ARFGEF1: variants seen among roughly 807,000 people sequenced by gnomAD.
The protein encoded by ARFGEF1 is ARF guanine nucleotide exchange factor 1.
Under a neutral mutation model 231.0 loss-of-function variants are expected in ARFGEF1, and 42 were observed. That is an observed-to-expected ratio of 0.18 (90% CI 0.14 to 0.24). The LOEUF is 0.24. ARFGEF1 is among the 10% of genes least tolerant of loss of function. The pLI is 1.00. For missense variants in ARFGEF1, 1,345 were observed against 2,192.0 expected (o/e 0.61, Z 7.72); for synonymous variants, 710 against 732.3 (o/e 0.97, Z 0.49).
intron 1 of ARFGEF1, among the ~76,000 whole-genome samples, chr8:67,331,937 GTTTAT>G (rs1563920353): frequency 1.3e-5 from 2 of 152,004 alleles, no homozygotes; most frequent in East Asian, 3.9e-4. Flanking sequence ...AATCTTAAGA[GTTTAT>G]TTTAAACAGT....
At chr8:67,224,774 ATAAT>A (rs1418127038) in intron 29 of ARFGEF1, 125 bp downstream of exon 29, 10 of 507,764 alleles carry the variant, frequency 2.0e-5, no homozygotes, top group East Asian at 1.1e-4. Flanking sequence ...AATATACCTA[ATAAT>A]TAATATATTT....
Position 67,238,873 on chromosome 8 carries a change from G to T in ARFGEF1, c.3000C>A (p.Val1000=). The T allele has an allele frequency of 6.2e-7, 1 of 1,613,380 alleles. No individual in the cohort carries two copies. The highest frequency in any genetic ancestry group is 8.5e-7 in the Non-Finnish European group (1 of 1,179,634). The stretch of plus-strand genomic sequence containing the variant: ...GTAAGGTAAATCTTGCTAGTGCCTG[G>T]ACATATGCATCTCTCTCCAGCTATA... The part of the protein sequence containing the change: ...FSIQLERDAY[V]QALARFTLLT... The change falls in exon 21 of 39, where the codon GTC becomes GTA. Residue 1000 remains valine (V), a synonymous_variant. Transcript: ENST00000262215.
chr8:67,276,287 C>T (rs1302211340), intron 8 of ARFGEF1, among the ~76,000 whole-genome samples, 178 bp from the exon 9 acceptor site: 1 of 151,992 alleles, frequency 6.6e-6, no homozygotes, highest in Non-Finnish European at 1.5e-5. Flanking sequence ...CGGACCACAC[C>T]CAACAATAAA....
chr8:67,193,129 CTTTTTTTTT>C (rs764770369), downstream of ARFGEF1, among the ~76,000 whole-genome samples: 2 of 151,258 alleles, frequency 1.3e-5, no homozygotes, highest in Non-Finnish European at 3.0e-5. Context: ...TGGTTTTTTT[CTTTTTTTTT>C]GAGATAGAGT....
At chr8:67,188,285 C>G (rs1359150747) in intron 5 of ARFGEF1, among the ~76,000 whole-genome samples, 1 of 152,198 alleles carries the variant, frequency 6.6e-6, no homozygotes, top group African/African-American at 2.4e-5. Context: ...AGAGACAGGA[C>G]TAGCTGGATT....
At chr8:67,259,774 GA>G (rs753411793) in intron 15 of ARFGEF1, 40 bp downstream of exon 15, 1 of 1,444,158 alleles carries the variant, frequency 6.9e-7, no homozygotes, top group South Asian at 1.2e-5. Flanking sequence ...AAAATCCCAA[GA>G]ATTTTACAGA....
At chr8:67,337,337 G>A (rs1291671599) in intron 1 of ARFGEF1, among the ~76,000 whole-genome samples, 2 of 152,114 alleles carry the variant, frequency 1.3e-5, no homozygotes, top group East Asian at 1.9e-4. Context: ...TGAGGTGAAT[G>A]CCATCTTCCT....
At chr8:67,319,033 TAAC>T (rs1248978469) in intron 1 of ARFGEF1, among the ~76,000 whole-genome samples, 1 of 152,160 alleles carries the variant, frequency 6.6e-6, no homozygotes, top group East Asian at 1.9e-4. Flanking sequence ...AGTATGAACT[TAAC>T]AAAACACATA....
At chr8:67,181,633 G>C (rs1191779138) in intron 5 of ARFGEF1, among the ~76,000 whole-genome samples, 1 of 152,034 alleles carries the variant, frequency 6.6e-6, no homozygotes, top group Non-Finnish European at 1.5e-5. Context: ...AAAGCTGATG[G>C]TTTCAGTGCA....
chr8:67,342,466 C>G (rs1340204225), intron 1 of ARFGEF1, among the ~76,000 whole-genome samples: 1 of 152,172 alleles, frequency 6.6e-6, no homozygotes, highest in Non-Finnish European at 1.5e-5. Context: ...ACCCTCCCTT[C>G]CCTTGTCACC....
intron 1 of ARFGEF1, among the ~76,000 whole-genome samples, chr8:67,329,221 C>CA (rs959204104): frequency 2.7e-5 from 4 of 150,114 alleles, no homozygotes; most frequent in Non-Finnish European, 5.9e-5. Context: ...AAAAACAAAA[C>CA]AAAAAACAAA....
intron 1 of ARFGEF1, among the ~76,000 whole-genome samples, chr8:67,337,176 TTG>T (rs1387812573): frequency 2.6e-5 from 4 of 151,848 alleles, no homozygotes; most frequent in Non-Finnish European, 4.4e-5. Context: ...TGAAATTATT[TTG>T]TGTTATTCTC....
intron 34 of ARFGEF1, among the ~76,000 whole-genome samples, chr8:67,208,481 TTAGCCAG>T (rs1838600442): frequency 6.6e-6 from 1 of 151,778 alleles, no homozygotes; most frequent in Non-Finnish European, 1.5e-5. Flanking sequence ...AATCCAAAAA[TTAGCCAG>T]GTGTAGTGGC....
chr8:67,283,696 A>G (rs879370901), intron 7 of ARFGEF1, among the ~76,000 whole-genome samples: 3 of 152,188 alleles, frequency 2.0e-5, no homozygotes, highest in Non-Finnish European at 4.4e-5. Flanking sequence ...ACATGAATAA[A>G]TGACTCACTA....
At chr8:67,201,130 T>C (rs1316274308) in intron 37 of ARFGEF1, among the ~76,000 whole-genome samples, 1 of 152,240 alleles carries the variant, frequency 6.6e-6, no homozygotes, top group Non-Finnish European at 1.5e-5. Context: ...CCAAATATTT[T>C]TTTCGAAGTA....
intron 20 of ARFGEF1, among the ~76,000 whole-genome samples, chr8:67,239,386 C>CT (rs1261011886): frequency 6.6e-6 from 1 of 152,106 alleles, no homozygotes; most frequent in African/African-American, 2.4e-5. Context: ...GTAAGTTTTA[C>CT]TTGTCATGAA....
intron 8 of ARFGEF1, 97 bp downstream of exon 8, chr8:67,277,185 G>T (rs1426758329): frequency 3.3e-6 from 4 of 1,196,776 alleles, no homozygotes; most frequent in African/African-American, 1.6e-5. Context: ...AAATCAGGCA[G>T]CATCATCAGC....
intron 1 of ARFGEF1, among the ~76,000 whole-genome samples, chr8:67,315,254 C>T (rs1332729531): frequency 1.3e-5 from 2 of 152,046 alleles, no homozygotes; most frequent in Non-Finnish European, 2.9e-5. Flanking sequence ...TTCAAAATAA[C>T]ATGAAATTGA....
At chr8:67,229,257 T>C (rs1372133169) in intron 23 of ARFGEF1, among the ~76,000 whole-genome samples, 1 of 152,098 alleles carries the variant, frequency 6.6e-6, no homozygotes, top group Non-Finnish European at 1.5e-5. Flanking sequence ...AGAGCCAAGA[T>C]TCAAACCAGG....
Sources: gnomAD v4.1 joint callset for allele counts (sites outside exome capture counted in the v4.1 genomes callset) on GRCh38, gnomAD v4.1.1 for gene constraint, MANE v1.5 for transcripts, NCBI Gene and HGNC (gene_info 2026-07-23, HGNC 2026-07-21) for gene names.